The following RNF150 variants were observed in gnomAD, a reference collection of about 807,000 sequenced individuals.
RNF150 encodes the protein ring finger protein 150.
Under a neutral mutation model 39.3 loss-of-function variants are expected in RNF150, and 24 were observed. The ratio of observed to expected loss-of-function variants is 0.61; its 90% CI spans 0.44 to 0.86. The LOEUF (loss-of-function observed/expected upper bound fraction) is 0.86. Among genes scored for constraint, RNF150 ranks in the 40% least tolerant of loss-of-function variants. The pLI is 0.00. For synonymous variants in RNF150, 255 were observed against 227.3 expected (o/e 1.12, Z -1.10); for missense variants, 502 against 587.8 (o/e 0.85, Z 1.51).
intron 1 of RNF150, among the ~76,000 whole-genome samples, chr4:141,161,264 G>A (rs1222616338): frequency 6.6e-6 from 1 of 152,148 alleles, no homozygotes; most frequent in Non-Finnish European, 1.5e-5. Context: ...CCCTGCCCTA[G>A]GGATCTGTGG....
chr4:141,042,786 A>C (rs1169686617), intron 1 of RNF150, among the ~76,000 whole-genome samples: 1 of 151,966 alleles, frequency 6.6e-6, no homozygotes, highest in Non-Finnish European at 1.5e-5. Context: ...CCTTCCGCCC[A>C]TGTGTTCTGG....
At chr4:140,918,015 C>T (rs544360354) in intron 5 of RNF150, among the ~76,000 whole-genome samples, 1 of 151,266 alleles carries the variant, frequency 6.6e-6, no homozygotes, top group East Asian at 1.9e-4. Context: ...CACAACATAC[C>T]AGAATCTCTG....
chr4:140,904,507 G>T (rs958408120), intron 6 of RNF150, among the ~76,000 whole-genome samples: 1 of 152,172 alleles, frequency 6.6e-6, no homozygotes, highest in African/African-American at 2.4e-5. Context: ...GCCATTTCAG[G>T]CTTTAATGCA....
chr4:141,041,981 A>T lies in RNF150; in HGVS notation c.485-74108T>A, dbSNP rs185636081. Among the ~76,000 whole-genome samples, 512 of 152,184 alleles carry T rather than the reference A, an allele frequency of 3.4e-3. 1 individual carries two copies. The highest frequency in any genetic ancestry group is 6.1e-3 in the Non-Finnish European group (416 of 67,944). On this transcript the variant is annotated intron_variant, in intron 1 of 6. Coordinates refer to ENST00000515673, the MANE Select transcript of RNF150 (RefSeq NM_020724.2). ...TGAACCTGTAGCTTTATAACTAAGG[A>T]ATTATATAATCACAGGTCTCACTGG... is the stretch of plus-strand genomic sequence containing the variant.
chr4:140,983,684 A>C (rs767581778), intron 1 of RNF150, among the ~76,000 whole-genome samples: 24 of 151,452 alleles, frequency 1.6e-4, no homozygotes, highest in African/African-American at 2.4e-5. Context: ...AAAGGGGGTA[A>C]GAAAGTCTTT....
intron 1 of RNF150, among the ~76,000 whole-genome samples, chr4:141,164,882 T>A (rs1165231008): frequency 6.6e-6 from 1 of 152,114 alleles, no homozygotes; most frequent in Non-Finnish European, 1.5e-5. Flanking sequence ...TATAAGAAAC[T>A]GCATCAACTA....
chr4:140,905,129 C>A (rs1308168324), intron 6 of RNF150, among the ~76,000 whole-genome samples: 5 of 152,152 alleles, frequency 3.3e-5, no homozygotes, highest in Non-Finnish European at 1.5e-5. Context: ...GCATGAAAAC[C>A]ACTTTTCTCT....
At chr4:141,176,756 G>A (rs946292774) in intron 1 of RNF150, among the ~76,000 whole-genome samples, 2 of 152,096 alleles carry the variant, frequency 1.3e-5, no homozygotes, top group African/African-American at 4.8e-5. Flanking sequence ...ATTTCTGCTG[G>A]TTTTAATTTC....
At chr4:141,206,676 T>A (rs1728380445) in intron 1 of RNF150, among the ~76,000 whole-genome samples, 1 of 151,806 alleles carries the variant, frequency 6.6e-6, no homozygotes, top group South Asian at 2.1e-4. Flanking sequence ...CTTTGCAGGT[T>A]GTATTAGTTA....
intron 1 of RNF150, among the ~76,000 whole-genome samples, chr4:141,076,442 A>G (rs993037343): frequency 1.2e-4 from 18 of 152,072 alleles, no homozygotes; most frequent in Admixed American, 6.6e-4. Context: ...TCTGAAGCAC[A>G]TGCAAATATG....
intron 6 of RNF150, among the ~76,000 whole-genome samples, chr4:140,890,357 C>A (rs1473647529): frequency 3.3e-5 from 5 of 152,158 alleles, no homozygotes; most frequent in African/African-American, 1.2e-4. Context: ...CTTTCCCCAA[C>A]AGAGAAACCT....
Position 140,864,009 on chromosome 4 carries a change from A to T in RNF150, c.*4252T>A, listed in dbSNP as rs1728601502. On this transcript the variant is annotated 3_prime_UTR_variant, in exon 7 of 7. Transcript: ENST00000515673. Reference sequence around the variant, plus strand: ...ATGGTAGCCTCAGGGATGTCAGGGCAGTAACTGAAATGGCCACTGGGCATG... The same window carrying T: ...ATGGTAGCCTCAGGGATGTCAGGGCTGTAACTGAAATGGCCACTGGGCATG... 1 of 152,244 alleles carries T rather than the reference A, an allele frequency of 6.6e-6. No individual in the cohort carries two copies. The highest frequency in any genetic ancestry group is 6.5e-5 in the Admixed American group (1 of 15,288). 9.4% of individuals were successfully genotyped at this position (152,244 alleles called of 1,614,324 possible).
At chr4:141,102,626 G>A (rs1739052769) in intron 1 of RNF150, among the ~76,000 whole-genome samples, 1 of 152,100 alleles carries the variant, frequency 6.6e-6, no homozygotes, top group South Asian at 2.1e-4. Context: ...TGCTTCCCTT[G>A]CTCAATCAGG....
chr4:140,924,232 A>G (rs1206006012), intron 5 of RNF150, among the ~76,000 whole-genome samples: 2 of 152,232 alleles, frequency 1.3e-5, no homozygotes, highest in Admixed American at 6.5e-5. Context: ...AACCATGGCC[A>G]GAATGCCCAA....
rs548109081 is a variant in RNF150, at chr4:140,944,674, G to A, written c.890+2980C>T. Reference sequence around the variant, plus strand: ...AAAGACATTCTAAATGAAAACAATAGTGAAGAGATGCACCAAGAATGTCAG... The same window carrying A: ...AAAGACATTCTAAATGAAAACAATAATGAAGAGATGCACCAAGAATGTCAG... On this transcript the variant is annotated intron_variant, in intron 4 of 6. Transcript: ENST00000515673. 7.2e-5 allele frequency: 11 copies of A among 152,276 alleles called. No homozygotes were observed. The East Asian group carries it at 7.7e-4, about 11-fold the overall frequency. 9.4% of individuals were successfully genotyped at this position (152,276 alleles called of 1,614,324 possible). A position where few individuals can be genotyped will look rare whatever the true frequency, so the allele number is the denominator to read the frequency against.
intron 1 of RNF150, among the ~76,000 whole-genome samples, chr4:141,038,276 G>T (rs1285856231): frequency 1.3e-5 from 2 of 152,152 alleles, no homozygotes; most frequent in African/African-American, 2.4e-5. Context: ...CTGCAACCTT[G>T]GGTAGTACCA....
chr4:141,189,801 G>C (rs1728073733), intron 1 of RNF150, among the ~76,000 whole-genome samples: 1 of 152,340 alleles, frequency 6.6e-6, no homozygotes, highest in South Asian at 2.1e-4. Flanking sequence ...CTGGCAGCGA[G>C]AATTTCATGC....
At chr4:140,990,403 G>C (rs1188298186) in intron 1 of RNF150, among the ~76,000 whole-genome samples, 1 of 152,046 alleles carries the variant, frequency 6.6e-6, no homozygotes, top group Non-Finnish European at 1.5e-5. Flanking sequence ...GGTTACCTAG[G>C]TAAATGTATA....
At chr4:141,171,460 A>AAGAG (rs67118049) in intron 1 of RNF150, among the ~76,000 whole-genome samples, 150 of 148,930 alleles carry the variant, frequency 1.0e-3, no homozygotes, top group African/African-American at 2.5e-3. Flanking sequence ...GACAGACAGA[A>AAGAG]AGAGAGAGAG....
Sources: gnomAD v4.1 joint callset for allele counts (sites outside exome capture counted in the v4.1 genomes callset) on GRCh38, gnomAD v4.1.1 for gene constraint, MANE v1.5 for transcripts, NCBI Gene and HGNC (gene_info 2026-07-23, HGNC 2026-07-21) for gene names.